The following CCDC57 variants were observed in gnomAD, a reference collection of about 807,000 sequenced individuals.
The protein encoded by CCDC57 is coiled-coil domain-containing protein 57.
In CCDC57, 118 loss-of-function variants were observed where a neutral mutation model predicts 118.9. The ratio of observed to expected loss-of-function variants is 0.99; its 90% CI spans 0.86 to 1.16. The LOEUF is 1.16. Ranked by LOEUF, CCDC57 falls within the 50% of genes most tolerant of loss-of-function variation. The pLI, the probability that CCDC57 is intolerant of heterozygous loss-of-function variation, is 0.00. For synonymous variants in CCDC57, 527 were observed against 532.9 expected (o/e 0.99, Z 0.15); for missense variants, 1,300 against 1,320.7 (o/e 0.98, Z 0.24).
chr17:82,111,197 G>A (rs1240949036), intron 19 of CCDC57, among the ~76,000 whole-genome samples: 5 of 149,438 alleles, frequency 3.3e-5, no homozygotes, highest in African/African-American at 7.4e-5. Flanking sequence ...CTGGGTTCAC[G>A]CCATTCTCCT....
intron 19 of CCDC57, among the ~76,000 whole-genome samples, chr17:82,107,790 G>A (rs1453528686): frequency 6.6e-6 from 1 of 152,218 alleles, no homozygotes; most frequent in Admixed American, 6.5e-5. Context: ...GGGACTCTGG[G>A]AGGGAACAGC....
chr17:82,151,463 TC>T (rs1320996606), intron 16 of CCDC57, 96 bp downstream of exon 15: 9 of 986,912 alleles, frequency 9.1e-6, no homozygotes, highest in Non-Finnish European at 1.2e-5. Flanking sequence ...ACCCCCAGAA[TC>T]TGACCCACAT....
chr17:82,163,614 G>A (rs1320859258), intron 13 of CCDC57, among the ~76,000 whole-genome samples: 1 of 152,170 alleles, frequency 6.6e-6, no homozygotes, highest in Non-Finnish European at 1.5e-5. Flanking sequence ...ACCACGTAAT[G>A]TCTGATAGAG....
intron 19 of CCDC57, chr17:82,106,303 C>T (rs2034839576): frequency 6.6e-6 from 1 of 152,500 alleles, no homozygotes; most frequent in Admixed American, 6.5e-5. Flanking sequence ...GGCACACAGG[C>T]CTCACTTGGG....
chr17:82,125,378 A>AT (rs33998629), intron 19 of CCDC57, among the ~76,000 whole-genome samples: 35,606 of 145,926 alleles, frequency 0.24, 4,932 homozygotes, highest in Non-Finnish European at 0.33. Flanking sequence ...TCTCTACTAA[A>AT]TTTTTTTTTT....
chr17:82,147,066 G>A (rs1421582919), intron 16 of CCDC57, among the ~76,000 whole-genome samples: 1 of 152,218 alleles, frequency 6.6e-6, no homozygotes, highest in African/African-American at 2.4e-5. Flanking sequence ...GCACTCAGCA[G>A]GGGCTCCTCT....
chr17:82,186,667 G>T lies in CCDC57; in HGVS notation c.1052+1552C>A, dbSNP rs542031494. On this transcript the variant is annotated intron_variant, in intron 8 of 19. Transcript: ENST00000665763. ...ACAATTTGTCAGAGAATTCTCTATC[G>T]GTGGTGGCTCATGCCTATAATCCCA... 5.3e-5 allele frequency among the ~76,000 whole-genome samples: 8 copies of T among 152,204 alleles called. No homozygotes were observed. In the South Asian group the frequency reaches 1.7e-3, roughly 32 times the overall value.
rs1001575458 is a variant in CCDC57 at position 82,118,842 on chromosome 17, G to T, written c.2899+8850C>A. ...TTAGAAATCTGTGATTTCTTCACCCGTATCTAAGGTTAACCCTCTTCCGGC... is the reference window on the plus strand; with the variant it reads ...TTAGAAATCTGTGATTTCTTCACCCTTATCTAAGGTTAACCCTCTTCCGGC... On this transcript the variant is annotated intron_variant, in intron 19 of 19. Coordinates refer to ENST00000665763, the Ensembl canonical transcript of CCDC57. The surrounding 1 kb of genome is among the most constrained non-coding windows in gnomAD (Gnocchi z 4.7). Among the ~76,000 whole-genome samples, 1 of 151,772 alleles carries T rather than the reference G, an allele frequency of 6.6e-6. No homozygotes were observed. Among genetic ancestry groups the T allele is most frequent in the Non-Finnish European group, 1.5e-5 (1 of 67,976 alleles).
rs765768526 is a variant in CCDC57 at position 82,163,372 on chromosome 17, G to A, written c.1883-15C>T. 1.2e-6 allele frequency: 2 copies of A among 1,612,866 alleles called. No individual in the cohort carries two copies. The highest frequency in any genetic ancestry group is 1.7e-6 in the Non-Finnish European group (2 of 1,179,154). On this transcript the variant is annotated splice_polypyrimidine_tract_variant and intron_variant, in intron 13 of 19. Coordinates refer to ENST00000665763, the Ensembl canonical transcript of CCDC57. ...GGCAGACCCTCCTGCAGAGAAGAGTGGCTTCTGTCAGCTCATACCTGAGAA... is the reference window on the plus strand; with the variant it reads ...GGCAGACCCTCCTGCAGAGAAGAGTAGCTTCTGTCAGCTCATACCTGAGAA...
At position 82,118,844 on chromosome 17, in the gene CCDC57, A is replaced by G. The variant is rs1397857326; in HGVS notation, c.2899+8848T>C. Reference sequence around the variant, plus strand: ...AGAAATCTGTGATTTCTTCACCCGTATCTAAGGTTAACCCTCTTCCGGCCA... The same window carrying G: ...AGAAATCTGTGATTTCTTCACCCGTGTCTAAGGTTAACCCTCTTCCGGCCA... On this transcript the variant is annotated intron_variant, in intron 19 of 19. Transcript: ENST00000665763. The surrounding 1 kb of genome is among the most constrained non-coding windows in gnomAD (Gnocchi z 4.7). Among the ~76,000 whole-genome samples, 3 of 151,748 alleles carry G rather than the reference A, an allele frequency of 2.0e-5. No homozygotes were observed. The highest frequency in any genetic ancestry group is 7.3e-5 in the African/African-American group (3 of 41,268).
chr17:82,185,996 C>G (rs1432009654), intron 8 of CCDC57, among the ~76,000 whole-genome samples: 1 of 152,094 alleles, frequency 6.6e-6, no homozygotes, highest in African/African-American at 2.4e-5. Context: ...CACCACCGTA[C>G]CTGTCTAACT....
chr17:82,144,804 A>T (rs927504085), intron 16 of CCDC57, among the ~76,000 whole-genome samples: 6 of 152,188 alleles, frequency 3.9e-5, no homozygotes, highest in Non-Finnish European at 7.4e-5. Context: ...ACTATTGGGA[A>T]ACAACAAAGC....
exon 9 of CCDC57, chr17:82,183,910 C>A (rs1394094799): frequency 1.2e-6 from 2 of 1,613,494 alleles, no homozygotes; most frequent in African/African-American, 2.7e-5. Flanking sequence ...GCAGATTTTA[C>A]AGTTGATGCA....
At chr17:82,170,024 C>A (rs148712396) in intron 13 of CCDC57, among the ~76,000 whole-genome samples, 6 of 152,230 alleles carry the variant, frequency 3.9e-5, no homozygotes, top group Non-Finnish European at 8.8e-5. Context: ...AAACAATGGG[C>A]AAAAGACATG....
In CCDC57 at chr17:82,151,691, TG is replaced by T. The variant is rs767464217; in HGVS notation, c.2323del (p.Gln775ArgfsTer12). ...CTGGAGTCGGTGCATAGATAAGGTCTGGGGGGCACGTGCCACTGACCGGAGG... is the reference window on the plus strand; with the variant it reads ...CTGGAGTCGGTGCATAGATAAGGTCTGGGGGCACGTGCCACTGACCGGAGG... On this transcript the variant is annotated frameshift_variant, in exon 16 of 20. Coordinates refer to ENST00000665763, the Ensembl canonical transcript of CCDC57. LOFTEE classifies it high-confidence loss of function. The T allele has an allele frequency of 9.0e-6, 14 of 1,550,366 alleles. No individual in the cohort carries two copies. In the South Asian group the frequency reaches 1.7e-4, roughly 18 times the overall value.
At chr17:82,174,698 T>C (rs887011286) in intron 11 of CCDC57, among the ~76,000 whole-genome samples, 4 of 152,252 alleles carry the variant, frequency 2.6e-5, no homozygotes, top group African/African-American at 9.6e-5. Context: ...TATGTCTAAC[T>C]ATAATGAAGG....
intron 2 of CCDC57, among the ~76,000 whole-genome samples, chr17:82,203,316 C>T (rs1394826817): frequency 6.6e-6 from 1 of 152,198 alleles, no homozygotes; most frequent in East Asian, 1.9e-4. Flanking sequence ...GCTTCCTGTA[C>T]AGCCAGGAGA....
At chr17:82,110,762 C>T (rs368498645) in intron 19 of CCDC57, among the ~76,000 whole-genome samples, 13 of 152,116 alleles carry the variant, frequency 8.5e-5, no homozygotes, top group African/African-American at 2.9e-4. Context: ...CGGTGGCTCG[C>T]GCCTGTAATC....
chr17:82,136,541 T>C (rs889535983), intron 16 of CCDC57, among the ~76,000 whole-genome samples: 1 of 151,488 alleles, frequency 6.6e-6, no homozygotes, highest in African/African-American at 2.4e-5. Context: ...CTTTGTATAC[T>C]TCATGAGCTT....
Sources: allele counts gnomAD v4.1 joint callset (sites outside exome capture counted in the v4.1 genomes callset), GRCh38; gene constraint gnomAD v4.1.1; non-coding constraint Gnocchi (gnomAD v3.1); transcripts MANE v1.5; gene names NCBI Gene and HGNC (gene_info 2026-07-23, HGNC 2026-07-21).